WDR70: variants seen among roughly 807,000 people sequenced by gnomAD.
WDR70 encodes the protein WD repeat-containing protein 70.
In WDR70, 53 loss-of-function variants were observed where a neutral mutation model predicts 88.6. That is an observed-to-expected ratio of 0.60 (90% CI 0.48 to 0.75). WDR70 has a LOEUF of 0.75. Ranked by LOEUF, WDR70 falls within the 30% of genes least tolerant of loss-of-function variation. The probability of loss-of-function intolerance (pLI) is 0.00; values close to 1 mark genes in which losing one functional copy is unlikely to be tolerated. For missense variants in WDR70, 610 were observed against 823.2 expected (o/e 0.74, Z 3.17); for synonymous variants, 280 against 270.0 (o/e 1.04, Z -0.36).
chr5:37,442,023 A>G (rs1414446235), intron 6 of WDR70, among the ~76,000 whole-genome samples: 17 of 136,584 alleles, frequency 1.2e-4, no homozygotes, highest in African/African-American at 4.5e-4. Flanking sequence ...GAAAGTTCAC[A>G]GGGAAAGCAA....
intron 7 of WDR70, among the ~76,000 whole-genome samples, chr5:37,476,248 A>G (rs554474012): frequency 5.2e-4 from 79 of 152,326 alleles, no homozygotes; most frequent in African/African-American, 1.8e-3. Flanking sequence ...ATTACAACTT[A>G]ACAAAGTCTA....
chr5:37,605,506 G>A (rs1744011230), intron 10 of WDR70, among the ~76,000 whole-genome samples: 1 of 146,460 alleles, frequency 6.8e-6, no homozygotes, highest in African/African-American at 2.8e-5. Flanking sequence ...AAAAACCATA[G>A]TGCAGCTTAT....
At chr5:37,726,835 C>T in intron 16 of WDR70, 48 bp from the exon 17 acceptor site, 1 of 1,544,510 alleles carries the variant, frequency 6.5e-7, no homozygotes, top group Non-Finnish European at 8.7e-7. Flanking sequence ...ACCTATGTAT[C>T]CTCATGCTCA....
At chr5:37,423,813 C>T (rs111752402) in intron 5 of WDR70, among the ~76,000 whole-genome samples, 5 of 148,282 alleles carry the variant, frequency 3.4e-5, no homozygotes, top group East Asian at 2.0e-4. Flanking sequence ...CCGCCCGCCT[C>T]GGCCTCCCAA....
intron 9 of WDR70, among the ~76,000 whole-genome samples, chr5:37,541,252 G>A (rs932864852): frequency 6.6e-6 from 1 of 152,032 alleles, no homozygotes; most frequent in African/African-American, 2.4e-5. Context: ...TGAAATGAAA[G>A]GAAAAGTAAA....
rs73061728 is a variant in WDR70 at position 37,534,784 on chromosome 5, T to G, written c.917+18194T>G. Among the ~76,000 whole-genome samples the G allele has an allele frequency of 8.6e-3, 1,314 of 152,316 alleles. 22 individuals are homozygous for G. The highest frequency in any genetic ancestry group is 0.03 in the African/African-American group (1,243 of 41,574). On this transcript the variant is annotated intron_variant, in intron 9 of 17. Coordinates refer to ENST00000265107, the MANE Select transcript of WDR70 (RefSeq NM_018034.4). ...ATGAGCCATCGCACCTGGCCACAAG[T>G]CAGGCTTTCTTCAGCCATAGTTCTG...
At chr5:37,395,048 A>G (rs1045256661) in intron 4 of WDR70, among the ~76,000 whole-genome samples, 5 of 152,240 alleles carry the variant, frequency 3.3e-5, no homozygotes, top group African/African-American at 1.2e-4. Context: ...TGCTAGAACA[A>G]AACAGAAATT....
intron 17 of WDR70, among the ~76,000 whole-genome samples, chr5:37,730,652 T>G (rs1455601953): frequency 6.6e-6 from 1 of 152,176 alleles, no homozygotes; most frequent in Non-Finnish European, 1.5e-5. Flanking sequence ...AATGCTATAG[T>G]GAATAGACTT....
chr5:37,484,300 C>T (rs1289163479), intron 8 of WDR70, among the ~76,000 whole-genome samples: 1 of 152,256 alleles, frequency 6.6e-6, no homozygotes. Flanking sequence ...TGTCTGCAAT[C>T]CCGGCACCTC....
At chr5:37,447,718 G>A (rs950249125) in intron 7 of WDR70, among the ~76,000 whole-genome samples, 11 of 152,064 alleles carry the variant, frequency 7.2e-5, no homozygotes, top group African/African-American at 1.7e-4. Flanking sequence ...GTTCTCACTC[G>A]TAGGTGGGAA....
chr5:37,381,874 T>C (rs1748435978), intron 3 of WDR70, 189 bp downstream of exon 3: 4 of 406,872 alleles, frequency 9.8e-6, no homozygotes, highest in South Asian at 4.2e-5. Flanking sequence ...GCCAACATGG[T>C]GAAACCCCAT....
intron 3 of WDR70, 39 bp downstream of exon 3, chr5:37,381,724 T>G (rs895894452): frequency 6.4e-7 from 1 of 1,572,024 alleles, no homozygotes; most frequent in African/African-American, 1.4e-5. Flanking sequence ...TTGGTTTAAG[T>G]ACTATGTATA....
intron 13 of WDR70, among the ~76,000 whole-genome samples, chr5:37,715,487 C>T (rs1747628503): frequency 6.6e-6 from 1 of 152,162 alleles, no homozygotes; most frequent in Middle Eastern, 3.4e-3. Context: ...TAAACTTTTC[C>T]ATTGAGGGGA....
intron 16 of WDR70, among the ~76,000 whole-genome samples, chr5:37,725,592 T>C (rs1747946862): frequency 6.6e-6 from 1 of 152,160 alleles, no homozygotes; most frequent in Non-Finnish European, 1.5e-5. Flanking sequence ...TAGAATTTCA[T>C]TTTCTGTTAT....
rs1431908995 is a variant in WDR70, at chr5:37,444,291, T to C, written c.686+919T>C. On this transcript the variant is annotated intron_variant, in intron 7 of 17. Coordinates refer to ENST00000265107, the MANE Select transcript of WDR70 (RefSeq NM_018034.4). Reference sequence around the variant, plus strand: ...GTTTAGGTATGGTCGGCTAGCATTATGTTAGAAAGGGCCTTCCATGTTGCT... The same window carrying C: ...GTTTAGGTATGGTCGGCTAGCATTACGTTAGAAAGGGCCTTCCATGTTGCT... Among the ~76,000 whole-genome samples the C allele has an allele frequency of 2.0e-5, 3 of 151,864 alleles. 1 individual carries two copies. Among genetic ancestry groups the C allele is most frequent in the Non-Finnish European group, 4.4e-5 (3 of 67,980 alleles).
chr5:37,425,992 G>T (rs902399579), intron 5 of WDR70, among the ~76,000 whole-genome samples: 101 of 152,172 alleles, frequency 6.6e-4, no homozygotes, highest in African/African-American at 2.4e-3. Flanking sequence ...TAGAAATATA[G>T]GTTTGTTGTT....
chr5:37,449,797 G>C (rs142415479), intron 7 of WDR70, among the ~76,000 whole-genome samples: 1 of 151,778 alleles, frequency 6.6e-6, no homozygotes, highest in Admixed American at 6.6e-5. Flanking sequence ...TGTGCAGAAC[G>C]TGCAGGTTTG....
chr5:37,646,474 A>G (rs1474740965), intron 10 of WDR70, among the ~76,000 whole-genome samples: 1 of 151,866 alleles, frequency 6.6e-6, no homozygotes, highest in Non-Finnish European at 1.5e-5. Flanking sequence ...CCTTTTGATG[A>G]TTTGTTTTTT....
intron 9 of WDR70, among the ~76,000 whole-genome samples, chr5:37,571,405 A>C (rs1380962664): frequency 1.3e-5 from 2 of 152,180 alleles, no homozygotes; most frequent in Non-Finnish European, 2.9e-5. Context: ...CTTTCAGGAA[A>C]GTGCCACAAT....
Sources: allele counts gnomAD v4.1 joint callset (sites outside exome capture counted in the v4.1 genomes callset), GRCh38; gene constraint gnomAD v4.1.1; transcripts MANE v1.5; gene names NCBI Gene and HGNC (gene_info 2026-07-23, HGNC 2026-07-21).